Variants in ABCC3 observed in about 807,000 individuals in gnomAD.
ABCC3 encodes ATP-binding cassette sub-family C member 3.
Under a neutral mutation model 165.3 loss-of-function variants are expected in ABCC3, and 121 were observed. The ratio of observed to expected loss-of-function variants is 0.73; its 90% CI spans 0.63 to 0.85. ABCC3 has a LOEUF of 0.85. Ranked by LOEUF, ABCC3 falls within the 40% of genes least tolerant of loss-of-function variation. ABCC3 has a pLI of 0.00. For synonymous variants in ABCC3, 733 were observed against 810.1 expected (o/e 0.90, Z 1.62); for missense variants, 1,869 against 1,964.1 (o/e 0.95, Z 0.92).
chr17:50,678,344 G>A (rs974654999), intron 25 of ABCC3, 125 bp downstream of exon 25: 9 of 1,038,200 alleles, frequency 8.7e-6, no homozygotes, highest in Non-Finnish European at 1.1e-5. Flanking sequence ...CTGTTCTCAA[G>A]GACTGTGAGA....
chr17:50,657,841 G>A lies in ABCC3; in HGVS notation c.487-241G>A, dbSNP rs188777473. Reference sequence around the variant, plus strand: ...GTAGGCTGATGTCCCAGTTAGACAAGGTCATGTAGGTAAGGTGATGGCACC... The same window carrying A: ...GTAGGCTGATGTCCCAGTTAGACAAAGTCATGTAGGTAAGGTGATGGCACC... On this transcript the variant is annotated intron_variant, in intron 4 of 30. Transcript: ENST00000285238. Among the ~76,000 whole-genome samples the A allele has an allele frequency of 3.3e-5, 5 of 152,310 alleles. No individual in the cohort carries two copies. In the East Asian group the frequency reaches 7.7e-4, roughly 24 times the overall value.
intron 1 of ABCC3, among the ~76,000 whole-genome samples, chr17:50,641,844 G>A (rs995432388): frequency 1.3e-5 from 2 of 152,018 alleles, no homozygotes; most frequent in Non-Finnish European, 1.5e-5. Flanking sequence ...CCAGAAGTTC[G>A]AGACCAGTCT....
chr17:50,684,683 C>T lies in ABCC3; in HGVS notation c.4114-26C>T, dbSNP rs1460296382. 1.9e-6 allele frequency: 3 copies of T among 1,606,968 alleles called. No individual in the cohort carries two copies. The African/African-American group carries it at 4.0e-5, about 22-fold the overall frequency. ...CTCCTCATAGGGCCTAAGCTGCCTC[C>T]CTCTGAGGCCACGTTGTATCCCCAG... On this transcript the variant is annotated intron_variant, in intron 28 of 30. Coordinates refer to ENST00000285238, the MANE Select transcript of ABCC3 (RefSeq NM_003786.4).
chr17:50,661,684 A>G (rs975138659), intron 8 of ABCC3, among the ~76,000 whole-genome samples: 8 of 152,230 alleles, frequency 5.3e-5, no homozygotes, highest in Admixed American at 6.5e-5. Flanking sequence ...TTGAACCTCC[A>G]GGGTACCAGA....
At chr17:50,670,172 T>A (rs149167692) in intron 17 of ABCC3, among the ~76,000 whole-genome samples, 7 of 151,804 alleles carry the variant, frequency 4.6e-5, no homozygotes, top group African/African-American at 7.3e-5. Flanking sequence ...AACCTCCACC[T>A]CCCGGGTTCA....
In ABCC3 at chr17:50,679,862, T is replaced by C. The variant is rs757825269; in HGVS notation, c.3770T>C (p.Val1257Ala). 4 of 1,614,058 alleles carry C rather than the reference T, an allele frequency of 2.5e-6. No homozygotes were observed. The South Asian group carries it at 3.3e-5, about 13-fold the overall frequency. The change falls in exon 26 of 31, where the codon GTG becomes GCG. Residue 1257 changes from valine (V) to alanine (A), a missense_variant. By Grantham distance (64) the Val-to-Ala change is moderately conservative (BLOSUM62 0). Transcript: ENST00000285238. ...MSDLESNIVA[V>A]ERVKEYSKTE... ...GATTTGGAATCTAACATCGTGGCTG[T>C]GGAGAGGGTCAAGGAGTACTCCAAG...
chr17:50,657,248 A>G, intron 4 of ABCC3, 65 bp downstream of exon 4: 1 of 1,578,980 alleles, frequency 6.3e-7, no homozygotes, highest in Non-Finnish European at 8.6e-7. Context: ...CTCAGGGTTC[A>G]AAGTCACTGC....
chr17:50,645,361 A>G, intron 1 of ABCC3, among the ~76,000 whole-genome samples: 1 of 141,194 alleles, frequency 7.1e-6, no homozygotes, highest in African/African-American at 2.6e-5. Flanking sequence ...GCGACAGAGC[A>G]AGATTCCATC....
chr17:50,670,071 G>A (rs1479201475), intron 17 of ABCC3, among the ~76,000 whole-genome samples: 3 of 151,022 alleles, frequency 2.0e-5, no homozygotes, highest in Admixed American at 6.6e-5. Flanking sequence ...ATGAGCTGCT[G>A]CACCTGGCTG....
intron 1 of ABCC3, among the ~76,000 whole-genome samples, chr17:50,655,403 T>TAAA (rs1967208533): frequency 4.4e-5 from 1 of 22,982 alleles, no homozygotes; most frequent in African/African-American, 1.4e-4. Flanking sequence ...AGACTCTGTC[T>TAAA]CAAAAAAAAA....
intron 27 of ABCC3, 52 bp from the exon 28 acceptor site, chr17:50,683,897 C>T (rs754164293): frequency 2.8e-5 from 44 of 1,590,034 alleles, no homozygotes; most frequent in Non-Finnish European, 3.2e-5. Flanking sequence ...CCTGGAGATG[C>T]GCCTTTGACC....
chr17:50,686,538 C>A (rs376592249), intron 29 of ABCC3, among the ~76,000 whole-genome samples: 1 of 152,040 alleles, frequency 6.6e-6, no homozygotes, highest in East Asian at 1.9e-4. Context: ...GGGTGGCTGG[C>A]GGACAAACAT....
chr17:50,676,659 C>T (rs1033380122), intron 23 of ABCC3, 71 bp downstream of exon 23: 3 of 1,101,046 alleles, frequency 2.7e-6, no homozygotes, highest in Non-Finnish European at 3.9e-6. Flanking sequence ...GCGGGGGCAG[C>T]AGGGGTGGGA....
rs1411115481 is a variant in ABCC3, at chr17:50,635,395, G to A, written c.45+414G>A. 4 of 682,142 alleles carry A rather than the reference G, an allele frequency of 5.9e-6. No individual in the cohort carries two copies. The South Asian group carries it at 6.1e-5, about 10-fold the overall frequency. The allele number at this position is 682,142 out of a possible 1,614,324, so 42.3% of individuals were successfully genotyped here. A position where few individuals can be genotyped will look rare whatever the true frequency, so the allele number is the denominator to read the frequency against. The stretch of plus-strand genomic sequence containing the variant: ...AGCATCTGCCTCAGGTTAGGACTCG[G>A]TTGCCCACCTGGGCATGGATTGCCC... On this transcript the variant is annotated intron_variant, in intron 1 of 30. Transcript: ENST00000285238.
intron 2 of ABCC3, among the ~76,000 whole-genome samples, 160 bp from the exon 3 acceptor site, chr17:50,656,542 C>T (rs1201117170): frequency 6.6e-6 from 1 of 152,376 alleles, no homozygotes; most frequent in Non-Finnish European, 1.5e-5. Context: ...AACACTCTCC[C>T]CACCTCCAGC....
intron 6 of ABCC3, 179 bp downstream of exon 6, chr17:50,658,675 AGGCCT>A: frequency 5.7e-6 from 4 of 706,056 alleles, no homozygotes; most frequent in Non-Finnish European, 9.7e-6. Flanking sequence ...CCAAATGCAG[AGGCCT>A]GGCCTGGCCC....
chr17:50,641,315 C>T (rs2054230021), intron 1 of ABCC3, among the ~76,000 whole-genome samples: 1 of 152,200 alleles, frequency 6.6e-6, no homozygotes, highest in Non-Finnish European at 1.5e-5. Context: ...GCTGTGGGCT[C>T]AGCTCTCACC....
chr17:50,666,554 A>C (rs1419898202), intron 11 of ABCC3, among the ~76,000 whole-genome samples: 1 of 152,150 alleles, frequency 6.6e-6, no homozygotes, highest in Non-Finnish European at 1.5e-5. Context: ...TCACCTCATT[A>C]CTTTCTTACA....
rs1567832701 is a variant in ABCC3 at position 50,667,536 on chromosome 17, C to T, written c.1432-18C>T. ...GGAGGGAGCAGGTGTGCCACTGACA[C>T]TCTTTCTGCCTGCACAGGTAAAGCA... On this transcript the variant is annotated intron_variant, in intron 11 of 30. Transcript: ENST00000285238. 2 of 1,595,844 alleles carry T rather than the reference C, an allele frequency of 1.3e-6. No homozygotes were observed. Among genetic ancestry groups the T allele is most frequent in the South Asian group, 1.1e-5 (1 of 89,384 alleles).
Sources: allele counts gnomAD v4.1 joint callset (sites outside exome capture counted in the v4.1 genomes callset), GRCh38; gene constraint gnomAD v4.1.1; transcripts MANE v1.5; gene names NCBI Gene and HGNC (gene_info 2026-07-23, HGNC 2026-07-21).